VTI1A: variants seen among roughly 807,000 people sequenced by gnomAD.
The protein encoded by VTI1A is vesicle transport through interaction with t-SNAREs 1A, also known as vesicle transport through interaction with t-SNAREs homolog 1A.
In VTI1A, 22 loss-of-function variants were observed where a neutral mutation model predicts 34.9. That is an observed-to-expected ratio of 0.63 (90% CI 0.45 to 0.90). The LOEUF is 0.90. Among genes scored for constraint, VTI1A ranks in the 40% least tolerant of loss-of-function variants. The pLI is 0.00. For synonymous variants in VTI1A, 87 were observed against 97.3 expected (o/e 0.89, Z 0.62); for missense variants, 268 against 275.6 (o/e 0.97, Z 0.20).
intron 7 of VTI1A, among the ~76,000 whole-genome samples, chr10:112,809,414 C>T (rs537973499): frequency 1.1e-3 from 173 of 152,304 alleles, no homozygotes; most frequent in African/African-American, 3.9e-3. Context: ...CAGAATTTAT[C>T]CTATGCTCTC....
At position 112,818,444 on chromosome 10, in the gene VTI1A, CTCTT is replaced by C. The variant is rs749728427; in HGVS notation, c.*3065_*3068del. The C allele has an allele frequency of 4.7e-5, 11 of 231,636 alleles. No homozygotes were observed. The highest frequency in any genetic ancestry group is 2.6e-5 in the Non-Finnish European group (3 of 116,954). 14.3% of individuals were successfully genotyped at this position (231,636 alleles called of 1,614,324 possible). A position where few individuals can be genotyped will look rare whatever the true frequency, so the allele number is the denominator to read the frequency against. On this transcript the variant is annotated 3_prime_UTR_variant, in exon 8 of 8. Coordinates refer to ENST00000393077, the MANE Select transcript of VTI1A (RefSeq NM_145206.4). ...GAAAAGCAACTGTCTTTCTCTCCCT[CTCTT>C]TCTCCTTTTTTTTTGCACATCTTTT...
At chr10:112,689,729 T>C (rs372672100) in intron 7 of VTI1A, among the ~76,000 whole-genome samples, 115 of 152,212 alleles carry the variant, frequency 7.6e-4, no homozygotes, top group African/African-American at 2.7e-3. Context: ...CCTACAGATT[T>C]TTTTACTTTT....
intron 5 of VTI1A, among the ~76,000 whole-genome samples, chr10:112,599,322 T>A (rs1844795319): frequency 6.6e-6 from 1 of 152,130 alleles, no homozygotes; most frequent in Admixed American, 6.5e-5. Context: ...GGATGTGGTG[T>A]TGGGTAGATA....
intron 3 of VTI1A, among the ~76,000 whole-genome samples, chr10:112,477,973 T>C (rs1056070017): frequency 1.1e-4 from 16 of 152,142 alleles, no homozygotes; most frequent in African/African-American, 3.9e-4. Context: ...ACTATCCTCA[T>C]AGCTAGCATC....
intron 7 of VTI1A, among the ~76,000 whole-genome samples, chr10:112,806,446 C>A (rs1286497258): frequency 6.6e-6 from 1 of 151,524 alleles, no homozygotes; most frequent in Non-Finnish European, 1.5e-5. Context: ...CCACCACACC[C>A]GGCTAATTTT....
In VTI1A at chr10:112,611,737, A is replaced by ATTTTTTTTTTTTTTTTTTTTTTTTTT. The variant is rs3057346; in HGVS notation, c.428-56459_428-56458insTTTTTTTTTTTTTTTTTTTTTTTTTT. 1.1e-3 allele frequency among the ~76,000 whole-genome samples: 115 copies of ATTTTTTTTTTTTTTTTTTTTTTTTTT among 100,788 alleles called. 8 individuals carry two copies. Among genetic ancestry groups the ATTTTTTTTTTTTTTTTTTTTTTTTTT allele is most frequent in the Non-Finnish European group, 1.4e-3 (72 of 52,140 alleles). 66.1% of individuals were successfully genotyped at this position (100,788 alleles called of 152,430 possible). A position where few individuals can be genotyped will look rare whatever the true frequency, so the allele number is the denominator to read the frequency against. On this transcript the variant is annotated intron_variant, in intron 5 of 7. Coordinates refer to ENST00000393077, the MANE Select transcript of VTI1A (RefSeq NM_145206.4). Reference sequence around the variant, plus strand: ...TAAAGCCCATTTGGTGAGAAAGGTAATTTTTTTTTTTTTTTTTTTTTTGTG... The same window carrying ATTTTTTTTTTTTTTTTTTTTTTTTTT: ...TAAAGCCCATTTGGTGAGAAAGGTAATTTTTTTTTTTTTTTTTTTTTTTTTTTTTTTTTTTTTTTTTTTTTTTTGTG...
downstream of VTI1A, among the ~76,000 whole-genome samples, chr10:112,820,583 C>T (rs1853635205): frequency 6.6e-6 from 1 of 152,234 alleles, no homozygotes; most frequent in Non-Finnish European, 1.5e-5. Context: ...CTCAGAAAAG[C>T]TCCTGAAGCC....
chr10:112,534,771 T>C (rs1850562804), intron 4 of VTI1A, among the ~76,000 whole-genome samples: 1 of 152,194 alleles, frequency 6.6e-6, no homozygotes, highest in Non-Finnish European at 1.5e-5. Context: ...AAGATTATTC[T>C]TGAGGTGAGG....
At chr10:112,826,439 C>G in the VTI1A span, 9 of 152,330 alleles carry the variant, frequency 5.9e-5, 1 homozygote, top group African/African-American at 2.2e-4. Flanking sequence ...CTAAAAGCAG[C>G]CCCATCAATA....
intron 5 of VTI1A, among the ~76,000 whole-genome samples, chr10:112,613,445 A>T (rs1164916568): frequency 1.3e-5 from 2 of 152,122 alleles, no homozygotes; most frequent in East Asian, 1.9e-4. Flanking sequence ...AAAAACACTG[A>T]GGTACTTCCT....
At chr10:112,725,001 C>T (rs1023246868) in intron 7 of VTI1A, among the ~76,000 whole-genome samples, 2 of 152,124 alleles carry the variant, frequency 1.3e-5, no homozygotes, top group Non-Finnish European at 2.9e-5. Context: ...GTAAATATTT[C>T]AGTATGTATC....
rs548583663 is a variant in VTI1A, at chr10:112,792,338, T to C, written c.561-22952T>C. 5.9e-5 allele frequency among the ~76,000 whole-genome samples: 9 copies of C among 152,226 alleles called. No individual in the cohort carries two copies. The South Asian group carries it at 8.3e-4, about 14-fold the overall frequency. ...AGAAGGAGTCTTAGAAGTCCCCCAG[T>C]CCTTACGTGTCCCAACGTCTCATGC... On this transcript the variant is annotated intron_variant, in intron 7 of 7. Transcript: ENST00000393077.
chr10:112,457,433 T>A (rs1847573941), intron 1 of VTI1A, among the ~76,000 whole-genome samples: 1 of 152,112 alleles, frequency 6.6e-6, no homozygotes, highest in Non-Finnish European at 1.5e-5. Context: ...AGTTGAAAGG[T>A]TGTTCATGTG....
chr10:112,835,374 G>A, the VTI1A span, among the ~76,000 whole-genome samples: 6 of 152,308 alleles, frequency 3.9e-5, no homozygotes, highest in Admixed American at 3.9e-4. Context: ...CTCAGGTCAG[G>A]ATAGGTGGCC....
intron 5 of VTI1A, among the ~76,000 whole-genome samples, chr10:112,590,260 A>C (rs1302032044): frequency 6.6e-6 from 1 of 152,216 alleles, no homozygotes; most frequent in East Asian, 1.9e-4. Flanking sequence ...TGAATCAGAG[A>C]ATGTTATAAA....
intron 5 of VTI1A, among the ~76,000 whole-genome samples, chr10:112,646,089 G>A (rs1258653884): frequency 1.3e-5 from 2 of 151,854 alleles, no homozygotes; most frequent in Non-Finnish European, 2.9e-5. Context: ...GAAGGAACTG[G>A]ACTAGATGCC....
At position 112,474,383 on chromosome 10, in the gene VTI1A, C is replaced by A. The variant is rs548187638; in HGVS notation, c.264+9726C>A. Among the ~76,000 whole-genome samples the A allele has an allele frequency of 5.3e-4, 80 of 151,788 alleles. 1 individual carries two copies. Among genetic ancestry groups the A allele is most frequent in the Non-Finnish European group, 9.7e-4 (66 of 67,942 alleles). Reference sequence around the variant, plus strand: ...GACCTTTAAGAGAGAAAGTACTACTCTATTTATATATTATGTGCATGTGCA... The same window carrying A: ...GACCTTTAAGAGAGAAAGTACTACTATATTTATATATTATGTGCATGTGCA... On this transcript the variant is annotated intron_variant, in intron 3 of 7. Transcript: ENST00000393077.
At chr10:112,496,442 G>A (rs1013572814) in intron 3 of VTI1A, among the ~76,000 whole-genome samples, 6 of 151,892 alleles carry the variant, frequency 4.0e-5, no homozygotes, top group East Asian at 3.9e-4. Context: ...GTGGTGATGC[G>A]CACCTGTAGT....
chr10:112,650,501 A>G (rs1396112360), intron 5 of VTI1A, among the ~76,000 whole-genome samples: 3 of 152,202 alleles, frequency 2.0e-5, no homozygotes, highest in Non-Finnish European at 4.4e-5. Context: ...CTCAAAAATA[A>G]TGATAAAAGC....
Sources: allele counts gnomAD v4.1 joint callset (sites outside exome capture counted in the v4.1 genomes callset), GRCh38; gene constraint gnomAD v4.1.1; transcripts MANE v1.5; gene names NCBI Gene and HGNC (gene_info 2026-07-23, HGNC 2026-07-21).